Variants in PRKN observed in about 807,000 individuals in gnomAD.
PRKN encodes the protein E3 ubiquitin-protein ligase parkin.
Under a neutral mutation model 59.5 loss-of-function variants are expected in PRKN, and 56 were observed. The ratio of observed to expected loss-of-function variants is 0.94; its 90% CI spans 0.76 to 1.18. The LOEUF (loss-of-function observed/expected upper bound fraction) is 1.18, where lower values mean the gene tolerates loss of function less well. PRKN is among the 50% of genes most tolerant of loss of function. The probability of loss-of-function intolerance (pLI) is 0.00; values close to 1 mark genes in which losing one functional copy is unlikely to be tolerated. For synonymous variants in PRKN, 250 were observed against 222.1 expected (o/e 1.13, Z -1.12); for missense variants, 657 against 596.4 (o/e 1.10, Z -1.06).
chr6:162,414,679 C>G (rs1788528599), intron 2 of PRKN, among the ~76,000 whole-genome samples: 1 of 129,308 alleles, frequency 7.7e-6, no homozygotes, highest in Non-Finnish European at 1.5e-5. Flanking sequence ...CCACTGCACT[C>G]CAGCCTGGTC....
intron 1 of PRKN, among the ~76,000 whole-genome samples, chr6:162,662,253 T>C (rs1386542301): frequency 6.6e-6 from 1 of 152,026 alleles, no homozygotes. Flanking sequence ...TGGAGATTTT[T>C]TTAATGAGGT....
chr6:162,115,637 G>A (rs147760363), intron 4 of PRKN, among the ~76,000 whole-genome samples: 10 of 151,854 alleles, frequency 6.6e-5, no homozygotes, highest in South Asian at 4.2e-4. Flanking sequence ...GAAAGCAAGC[G>A]GTGTTTGTCA....
chr6:162,695,305 T>TC (rs1305310367), intron 1 of PRKN, among the ~76,000 whole-genome samples: 1 of 152,084 alleles, frequency 6.6e-6, no homozygotes, highest in Non-Finnish European at 1.5e-5. Context: ...ATGCATTACT[T>TC]CAAAATCTCA....
At chr6:162,146,246 G>A (rs901817431) in intron 4 of PRKN, among the ~76,000 whole-genome samples, 5 of 152,126 alleles carry the variant, frequency 3.3e-5, no homozygotes, top group Middle Eastern at 3.4e-3. Flanking sequence ...GGCCCATGAC[G>A]ATGTCATTGA....
At chr6:162,492,069 G>A (rs954330631) in intron 1 of PRKN, among the ~76,000 whole-genome samples, 3 of 152,054 alleles carry the variant, frequency 2.0e-5, no homozygotes, top group Middle Eastern at 6.4e-3. Context: ...TTCTGAACTC[G>A]GCCTCATGCC....
intron 9 of PRKN, among the ~76,000 whole-genome samples, chr6:161,450,718 A>G (rs990965426): frequency 3.6e-4 from 54 of 151,708 alleles, no homozygotes; most frequent in African/African-American, 1.2e-3. Context: ...CACCACACCC[A>G]GCTAATTTTT....
At position 162,647,947 on chromosome 6, in the gene PRKN, TGCAAAA is replaced by T. The variant is rs1350639494; in HGVS notation, c.7+79709_7+79714del. 3.5e-3 allele frequency among the ~76,000 whole-genome samples: 55 copies of T among 15,548 alleles called. 1 individual carries two copies. The highest frequency in any genetic ancestry group is 0.013 in the African/African-American group (36 of 2,840). 10.2% of individuals were successfully genotyped at this position (15,548 alleles called of 152,430 possible). On this transcript the variant is annotated intron_variant, in intron 1 of 11. Transcript: ENST00000366898. ...TAGAACCATCTCTATATGTCCACAGTGCAAAAAAAAAAAAAAAAAAAAAAAAAAAAG... is the reference window on the plus strand; with the variant it reads ...TAGAACCATCTCTATATGTCCACAGTAAAAAAAAAAAAAAAAAAAAAAAAG...
At chr6:162,339,072 G>T (rs1399935573) in intron 2 of PRKN, among the ~76,000 whole-genome samples, 8 of 148,386 alleles carry the variant, frequency 5.4e-5, no homozygotes, top group Non-Finnish European at 9.0e-5. Context: ...CCCCGTCTGA[G>T]AAGTGAGGAG....
In PRKN at chr6:161,497,028, C is replaced by T. The variant is rs1471400651; in HGVS notation, c.1083+51826G>A. Reference sequence around the variant, plus strand: ...GCTTGTGGCACTTTATAATGGCAGCCCTAGGAGCAAATACATCAAGGCAGA... The same window carrying T: ...GCTTGTGGCACTTTATAATGGCAGCTCTAGGAGCAAATACATCAAGGCAGA... On this transcript the variant is annotated intron_variant, in intron 9 of 11. Coordinates refer to ENST00000366898, the MANE Select transcript of PRKN (RefSeq NM_004562.3). This position sits in a 1 kb window ranked among gnomAD's most constrained non-coding sequence, Gnocchi z 4.6. Among the ~76,000 whole-genome samples the T allele has an allele frequency of 1.3e-5, 2 of 152,166 alleles. No homozygotes were observed. Among genetic ancestry groups the T allele is most frequent in the Non-Finnish European group, 2.9e-5 (2 of 68,026 alleles).
intron 4 of PRKN, among the ~76,000 whole-genome samples, chr6:162,139,793 C>A (rs1014662445): frequency 6.6e-6 from 1 of 151,852 alleles, no homozygotes; most frequent in Admixed American, 6.6e-5. Flanking sequence ...ACCAGTTGAT[C>A]TGAAATGGCC....
intron 1 of PRKN, among the ~76,000 whole-genome samples, chr6:162,615,378 C>T (rs1191470281): frequency 6.6e-6 from 1 of 152,138 alleles, no homozygotes; most frequent in Non-Finnish European, 1.5e-5. Flanking sequence ...GCTATATACT[C>T]AGCAGTATAC....
chr6:161,620,147 T>G (rs1370650979), intron 7 of PRKN, among the ~76,000 whole-genome samples: 3 of 151,272 alleles, frequency 2.0e-5, no homozygotes, highest in African/African-American at 7.3e-5. Context: ...TATGCCACCA[T>G]GCCCAGCTAA....
Position 161,440,484 on chromosome 6 carries a change from C to T in PRKN, c.1084-53607G>A, listed in dbSNP as rs1789156720. On this transcript the variant is annotated intron_variant, in intron 9 of 11. Transcript: ENST00000366898. This position sits in a 1 kb window ranked among gnomAD's most constrained non-coding sequence, Gnocchi z 4.1. ...TGAGAAGCCTGGCATTTCCCCATTG[C>T]TGCCTCTGGGAGGCTGCCTCTCGGG... Among the ~76,000 whole-genome samples the T allele has an allele frequency of 1.3e-5, 2 of 152,152 alleles. No homozygotes were observed. Among genetic ancestry groups the T allele is most frequent in the Non-Finnish European group, 2.9e-5 (2 of 68,034 alleles).
intron 7 of PRKN, among the ~76,000 whole-genome samples, chr6:161,586,424 A>G (rs1781523036): frequency 6.6e-6 from 1 of 152,212 alleles, no homozygotes; most frequent in African/African-American, 2.4e-5. Flanking sequence ...CGTTTACTCC[A>G]GCTACCCTGG....
chr6:161,679,676 C>CA (rs1169266014), intron 7 of PRKN, among the ~76,000 whole-genome samples: 3 of 83,596 alleles, frequency 3.6e-5, no homozygotes, highest in East Asian at 4.3e-4. Context: ...ATAGAACCAC[C>CA]CCCCCCCCTT....
chr6:161,771,037 TG>T (rs1789652444), intron 7 of PRKN, among the ~76,000 whole-genome samples: 1 of 152,038 alleles, frequency 6.6e-6, no homozygotes, highest in Admixed American at 6.6e-5. Context: ...TGCGGTATTT[TG>T]TAATAGAAGC....
chr6:162,587,598 T>C (rs996588041), intron 1 of PRKN, among the ~76,000 whole-genome samples: 5 of 152,166 alleles, frequency 3.3e-5, no homozygotes, highest in Admixed American at 2.0e-4. Context: ...ATATTTATGA[T>C]AATATAATAG....
At chr6:162,194,599 T>C (rs573064820) in intron 4 of PRKN, among the ~76,000 whole-genome samples, 1 of 152,174 alleles carries the variant, frequency 6.6e-6, no homozygotes, top group Non-Finnish European at 1.5e-5. Flanking sequence ...ATATATTGTA[T>C]ACAGTATGCA....
intron 1 of PRKN, among the ~76,000 whole-genome samples, chr6:162,645,469 T>C (rs1456078877): frequency 6.6e-6 from 1 of 152,192 alleles, no homozygotes. Context: ...AGAGGTCAAT[T>C]GCAGCTCTTC....
Sources: gnomAD v4.1 joint callset for allele counts (sites outside exome capture counted in the v4.1 genomes callset) on GRCh38, gnomAD v4.1.1 for gene constraint, Gnocchi (gnomAD v3.1) non-coding constraint, MANE v1.5 for transcripts, NCBI Gene and HGNC (gene_info 2026-07-23, HGNC 2026-07-21) for gene names.